CKS1B: variants seen among roughly 807,000 people sequenced by gnomAD.
CKS1B encodes cyclin-dependent kinases regulatory subunit 1.
A neutral mutation model predicts 12.2 loss-of-function variants in CKS1B; 5 were observed. The observed-to-expected ratio is 0.41, with a 90% confidence interval of 0.21 to 0.86. The LOEUF is 0.86. CKS1B is among the 40% of genes least tolerant of loss of function. The pLI, the probability that CKS1B is intolerant of heterozygous loss-of-function variation, is 0.32. For synonymous variants in CKS1B, 24 were observed against 34.4 expected, an observed-to-expected ratio of 0.70 and a Z score of 1.06; for missense variants, 53 against 99.9, an observed-to-expected ratio of 0.53 and a Z score of 2.00.
intron 1 of CKS1B, 134 bp downstream of exon 1, chr1:154,974,938 TG>T: frequency 6.2e-7 from 1 of 1,613,562 alleles, no homozygotes; most frequent in Non-Finnish European, 8.5e-7. Context: ...GGTGTGATAT[TG>T]TGGAAGGCGT....
chr1:154,976,615 A>G (rs1444705143), intron 1 of CKS1B, among the ~76,000 whole-genome samples: 1 of 152,148 alleles, frequency 6.6e-6, no homozygotes, highest in Non-Finnish European at 1.5e-5. Flanking sequence ...TTAAAACTGT[A>G]TGTGCTTATA....
At chr1:154,975,921 G>C (rs1286314275) in intron 1 of CKS1B, 1 of 154,258 alleles carries the variant, frequency 6.5e-6, no homozygotes. Context: ...ATTGGGGCCT[G>C]CTTGAGGGAG....
intron 1 of CKS1B, chr1:154,975,424 C>T (rs1657139746): frequency 5.5e-6 from 1 of 182,616 alleles, no homozygotes; most frequent in Non-Finnish European, 1.2e-5. Context: ...TTCAGGTGTT[C>T]TGCTAAAGTG....
chr1:154,975,016 C>T (rs553996964), intron 1 of CKS1B: 10 of 1,357,258 alleles, frequency 7.4e-6, no homozygotes, highest in Admixed American at 6.7e-5. Flanking sequence ...AGTCGCCTCT[C>T]AGTAGAGAGG....
intron 1 of CKS1B, chr1:154,975,222 G>A (rs549681459): frequency 3.6e-6 from 2 of 561,272 alleles, no homozygotes; most frequent in South Asian, 4.3e-5. Flanking sequence ...GAGTAGCGCT[G>A]AGAGAGTTGA....
intron 1 of CKS1B, chr1:154,975,198 C>T: frequency 1.7e-6 from 1 of 578,924 alleles, no homozygotes; most frequent in South Asian, 2.1e-5. Flanking sequence ...AGTTTCCTGG[C>T]GTCCCTAACA....
chr1:154,976,914 A>AT (rs1199822124), intron 1 of CKS1B, among the ~76,000 whole-genome samples: 6 of 152,120 alleles, frequency 3.9e-5, no homozygotes, highest in Non-Finnish European at 7.4e-5. Flanking sequence ...CAGGGTAATA[A>AT]TTTTTTTGCT....
At chr1:154,975,019 TAGAGA>T (rs1657114612) in intron 1 of CKS1B, 1 of 1,303,978 alleles carries the variant, frequency 7.7e-7, no homozygotes, top group Admixed American at 1.7e-5. Flanking sequence ...CGCCTCTCAG[TAGAGA>T]GGAGAGAGGG....
intron 2 of CKS1B, 198 bp from the exon 3 acceptor site, chr1:154,978,527 A>T (rs900843784): frequency 3.3e-6 from 2 of 598,386 alleles, no homozygotes; most frequent in African/African-American, 1.9e-5. Flanking sequence ...TAAACATAGC[A>T]AAAGAACTGA....
At chr1:154,978,200 T>C in intron 2 of CKS1B, 86 bp downstream of exon 2, 4 of 1,342,420 alleles carry the variant, frequency 3.0e-6, no homozygotes, top group Non-Finnish European at 4.0e-6. Context: ...AATAGGGAGA[T>C]AGGAAATGGT....
chr1:154,978,805 G>T lies in CKS1B; in HGVS notation c.*28G>T. ...CTGGCAAGCTACTTTTCAGCCTCAA[G>T]CTTTACACAGCTGTCCTTACTTCCT... On this transcript the variant is annotated 3_prime_UTR_variant, in exon 3 of 3. Transcript: ENST00000308987. 3.7e-6 allele frequency: 5 copies of T among 1,337,046 alleles called. No homozygotes were observed. The highest frequency in any genetic ancestry group is 5.4e-6 in the Non-Finnish European group (5 of 929,314). The allele number at this position is 1,337,046 out of a possible 1,614,324, so 82.8% of individuals were successfully genotyped here. A position where few individuals can be genotyped will look rare whatever the true frequency, so the allele number is the denominator to read the frequency against.
chr1:154,977,822 A>G, intron 1 of CKS1B, 165 bp from the exon 2 acceptor site: 1 of 631,742 alleles, frequency 1.6e-6, no homozygotes, highest in Non-Finnish European at 2.7e-6. Context: ...AATTTATATA[A>G]CATAGCCTGT....
intron 1 of CKS1B, 182 bp downstream of exon 1, chr1:154,974,986 C>T (rs1657109922): frequency 2.5e-6 from 4 of 1,585,024 alleles, no homozygotes; most frequent in Non-Finnish European, 3.5e-6. Flanking sequence ...GCTCGTAAAA[C>T]AAAGTGGTTG....
intron 2 of CKS1B, chr1:154,978,517 T>C: frequency 3.4e-6 from 2 of 595,332 alleles, no homozygotes. Flanking sequence ...TGGGGCTGTA[T>C]AAACATAGCA....
rs369208245 is a variant in CKS1B, at chr1:154,974,714, C to T, written c.-32C>T. ...TTGGGAGTTGCTTGGAGGTTGGCGG[C>T]GCGGGGCTGAAGGCTAGCAAACCGA... On this transcript the variant is annotated 5_prime_UTR_variant, in exon 1 of 3. Transcript: ENST00000308987. The T allele has an allele frequency of 3.9e-4, 612 of 1,564,966 alleles. 13 individuals carry two copies. In the South Asian group the frequency reaches 6.6e-3, roughly 17 times the overall value.
intron 1 of CKS1B, chr1:154,975,217 G>T (rs1475561446): frequency 5.3e-6 from 3 of 567,806 alleles, no homozygotes; most frequent in Admixed American, 6.3e-5. Flanking sequence ...CAGGAGAGTA[G>T]CGCTGAGAGA....
At chr1:154,976,642 G>C (rs1657193747) in intron 1 of CKS1B, among the ~76,000 whole-genome samples, 1 of 152,196 alleles carries the variant, frequency 6.6e-6, no homozygotes. Context: ...TTGTGGAGCT[G>C]GGAAGGAATC....
chr1:154,977,786 A>T (rs1657227378), intron 1 of CKS1B: 2 of 541,548 alleles, frequency 3.7e-6, no homozygotes. Context: ...ATTATTCACT[A>T]ATTTGTATTT....
intron 1 of CKS1B, among the ~76,000 whole-genome samples, chr1:154,976,756 T>G (rs940157774): frequency 3.9e-5 from 6 of 152,214 alleles, no homozygotes; most frequent in Non-Finnish European, 8.8e-5. Flanking sequence ...CAGGGTGGTG[T>G]TAGAATGTGA....
Sources: allele counts gnomAD v4.1 joint callset (sites outside exome capture counted in the v4.1 genomes callset), GRCh38; gene constraint gnomAD v4.1.1; transcripts MANE v1.5; gene names NCBI Gene and HGNC (gene_info 2026-07-23, HGNC 2026-07-21).